Variants in MBNL1 observed in about 807,000 individuals in gnomAD.
MBNL1 encodes muscleblind like splicing regulator 1.
In MBNL1, 8 loss-of-function variants were observed where a neutral mutation model predicts 42.2. The observed-to-expected ratio is 0.19, with a 90% CI of 0.11 to 0.34. MBNL1 has a LOEUF of 0.34. Among genes scored for constraint, MBNL1 ranks in the 10% least tolerant of loss-of-function variants. The pLI, the probability that MBNL1 is intolerant of heterozygous loss-of-function variation, is 1.00. For missense variants in MBNL1, 309 were observed against 495.3 expected, an observed-to-expected ratio of 0.62 and a Z score of 3.57; for synonymous variants, 169 against 173.9, an observed-to-expected ratio of 0.97 and a Z score of 0.22.
chr3:152,276,554 A>G (rs1445593577), intron 1 of MBNL1, among the ~76,000 whole-genome samples: 2 of 152,204 alleles, frequency 1.3e-5, no homozygotes, highest in Non-Finnish European at 2.9e-5. Flanking sequence ...GGAATACTTT[A>G]AAAGACTTGT....
rs1291038899 is a variant in MBNL1, at chr3:152,348,923, A to AG, written c.174+48558dup. Among the ~76,000 whole-genome samples the AG allele has an allele frequency of 3.9e-5, 6 of 152,164 alleles. No homozygotes were observed. The East Asian group carries it at 1.2e-3, about 29-fold the overall frequency. Reference sequence around the variant, plus strand: ...GAAGGTTTTTAAGTGCTTGAGAAAAAGGTTGGGGAAGCAGGTGAAATATGA... The same window carrying AG: ...GAAGGTTTTTAAGTGCTTGAGAAAAAGGGTTGGGGAAGCAGGTGAAATATGA... On this transcript the variant is annotated intron_variant, in intron 2 of 9. Transcript: ENST00000324210.
intron 4 of MBNL1, among the ~76,000 whole-genome samples, chr3:152,439,223 T>C (rs1334399675): frequency 2.0e-5 from 3 of 152,172 alleles, no homozygotes; most frequent in Admixed American, 6.5e-5. Context: ...ATAACCCTTT[T>C]CATGTAGGCA....
At chr3:152,288,780 C>T (rs1475974694) in intron 1 of MBNL1, among the ~76,000 whole-genome samples, 1 of 152,132 alleles carries the variant, frequency 6.6e-6, no homozygotes, top group Non-Finnish European at 1.5e-5. Context: ...TAAATAATTA[C>T]AAAATGCAAA....
chr3:152,301,864 A>G (rs1253047706), intron 2 of MBNL1: 1 of 152,216 alleles, frequency 6.6e-6, no homozygotes, highest in Admixed American at 6.5e-5. Context: ...AGCTGTGGCC[A>G]TAAGTAACCC....
chr3:152,426,473 A>T (rs564379505), intron 3 of MBNL1, among the ~76,000 whole-genome samples: 2 of 152,334 alleles, frequency 1.3e-5, no homozygotes, highest in South Asian at 4.1e-4. Flanking sequence ...ACATAATTTA[A>T]CCAAAAATAG....
At chr3:152,422,798 C>A (rs1050943058) in intron 3 of MBNL1, among the ~76,000 whole-genome samples, 23 of 152,184 alleles carry the variant, frequency 1.5e-4, no homozygotes, top group African/African-American at 5.1e-4. Context: ...GAAACTCACT[C>A]AAAACCACAC....
intron 2 of MBNL1, among the ~76,000 whole-genome samples, chr3:152,360,593 TCTC>T (rs2095860152): frequency 6.6e-6 from 1 of 152,076 alleles, no homozygotes; most frequent in Non-Finnish European, 1.5e-5. Flanking sequence ...TGGGGGTTCT[TCTC>T]CTATGCTTCT....
At chr3:152,263,106 C>A (rs1352467844), upstream of MBNL1, 6 of 152,200 alleles carry the variant, frequency 3.9e-5, no homozygotes, top group Non-Finnish European at 8.8e-5. Flanking sequence ...CAAGGGCCAA[C>A]TCTCCAGCTT....
At chr3:152,306,261 C>T (rs2063070113) in intron 2 of MBNL1, among the ~76,000 whole-genome samples, 1 of 152,208 alleles carries the variant, frequency 6.6e-6, no homozygotes, top group Admixed American at 6.5e-5. Flanking sequence ...AGACACCTCC[C>T]CTACCCTCCC....
intron 1 of MBNL1, among the ~76,000 whole-genome samples, chr3:152,272,039 TTCTCTCTCTCTC>T (rs139763690): frequency 3.4e-5 from 5 of 147,708 alleles, no homozygotes; most frequent in South Asian, 2.2e-4. Context: ...CCTGTTTCTT[TTCTCTCTCTCTC>T]TCTCTCTCTC....
At chr3:152,439,395 G>C (rs901712911) in intron 4 of MBNL1, among the ~76,000 whole-genome samples, 1 of 152,174 alleles carries the variant, frequency 6.6e-6, no homozygotes, top group Non-Finnish European at 1.5e-5. Context: ...GATTAGGAAA[G>C]AAGATGCTTT....
At chr3:152,311,001 CTTTTTTTTTT>C (rs71144111) in intron 2 of MBNL1, among the ~76,000 whole-genome samples, 6 of 77,508 alleles carry the variant, frequency 7.7e-5, no homozygotes, top group Admixed American at 1.8e-4. Context: ...AACCATGAGA[CTTTTTTTTTT>C]TTTTTTTTTT....
At chr3:152,357,523 C>T (rs1474513376) in intron 2 of MBNL1, among the ~76,000 whole-genome samples, 1 of 152,004 alleles carries the variant, frequency 6.6e-6, no homozygotes, top group East Asian at 1.9e-4. Context: ...GGAAATCAGC[C>T]ACGGGTGGGT....
chr3:152,293,956 CAT>C (rs145053401), intron 1 of MBNL1, among the ~76,000 whole-genome samples: 32 of 150,350 alleles, frequency 2.1e-4, no homozygotes, highest in South Asian at 1.9e-3. Context: ...CATATGAAGC[CAT>C]ATATATATAT....
At chr3:152,278,937 C>T (rs1177127255) in intron 1 of MBNL1, among the ~76,000 whole-genome samples, 1 of 151,962 alleles carries the variant, frequency 6.6e-6, no homozygotes, top group Non-Finnish European at 1.5e-5. Flanking sequence ...AGGCACTATA[C>T]AAGTTAGTAC....
intron 2 of MBNL1, among the ~76,000 whole-genome samples, chr3:152,371,627 C>T (rs1016710530): frequency 4.6e-5 from 7 of 152,212 alleles, no homozygotes; most frequent in African/African-American, 1.4e-4. Context: ...AATATTGGCC[C>T]GCACTCTCTT....
chr3:152,338,278 T>G (rs2091851025), intron 2 of MBNL1: 21 of 985,298 alleles, frequency 2.1e-5, no homozygotes, highest in Non-Finnish European at 2.4e-5. Context: ...CTGTGCCAAT[T>G]GTTCCTCTTC....
At chr3:152,300,995 A>G (rs913954416) in intron 2 of MBNL1, 1 of 775,882 alleles carries the variant, frequency 1.3e-6, no homozygotes, top group Non-Finnish European at 1.6e-6. Flanking sequence ...AAATAAGTAG[A>G]AACTCATAAG....
At chr3:152,264,298 T>TAGAGCACC (rs1485671073), upstream of MBNL1, 15 of 151,808 alleles carry the variant, frequency 9.9e-5, no homozygotes, top group African/African-American at 3.6e-4. Context: ...GTGAAATGAA[T>TAGAGCACC]AGAGTCATTG....
Sources: gnomAD v4.1 joint callset for allele counts (sites outside exome capture counted in the v4.1 genomes callset) on GRCh38, gnomAD v4.1.1 for gene constraint, MANE v1.5 for transcripts, NCBI Gene and HGNC (gene_info 2026-07-23, HGNC 2026-07-21) for gene names.